GNAL: variants seen among roughly 807,000 people sequenced by gnomAD.
GNAL encodes the protein guanine nucleotide-binding protein G(olf) subunit alpha.
A neutral mutation model predicts 55.1 loss-of-function variants in GNAL; 18 were observed. The ratio of observed to expected loss-of-function variants is 0.33; its 90% CI spans 0.23 to 0.48. The LOEUF (loss-of-function observed/expected upper bound fraction) is 0.48, where lower values mean the gene tolerates loss of function less well. GNAL is among the 20% of genes least tolerant of loss of function. GNAL has a pLI of 0.99. For missense variants in GNAL, 412 were observed against 614.1 expected (o/e 0.67, Z 3.48); for synonymous variants, 253 against 237.0 (o/e 1.07, Z -0.62).
Position 11,752,796 on chromosome 18 carries a change from G to A in GNAL, c.377-57G>A, listed in dbSNP as rs113033494. 3.9e-6 allele frequency: 5 copies of A among 1,283,822 alleles called. No homozygotes were observed. The highest frequency in any genetic ancestry group is 5.7e-6 in the Non-Finnish European group (5 of 879,150). 79.5% of individuals were successfully genotyped at this position (1,283,822 alleles called of 1,614,324 possible). On this transcript the variant is annotated intron_variant, in intron 1 of 11. Coordinates refer to ENST00000334049, the MANE Select transcript of GNAL (RefSeq NM_182978.4). This position sits in a 1 kb window ranked among gnomAD's most constrained non-coding sequence, Gnocchi z 4.5. ...GGATTGCTCAGACCCGGCTAGTGGT[G>A]AGAGATGGCAGCGATATCCGGACAC... is the stretch of plus-strand genomic sequence containing the variant.
chr18:11,826,917 A>G (rs1376313604), intron 5 of GNAL, among the ~76,000 whole-genome samples: 1 of 152,196 alleles, frequency 6.6e-6, no homozygotes, highest in African/African-American at 2.4e-5. Context: ...AATCCAGAGC[A>G]CACGAGGAGT....
At chr18:11,788,560 T>C (rs2034124596) in intron 4 of GNAL, among the ~76,000 whole-genome samples, 1 of 152,138 alleles carries the variant, frequency 6.6e-6, no homozygotes, top group Non-Finnish European at 1.5e-5. Flanking sequence ...TTAAAACTTA[T>C]TAACAGTTAT....
rs1401950913 is a variant in GNAL, at chr18:11,883,442, C to CTGTT, written c.*2308_*2311dup. The CTGTT allele has an allele frequency of 6.6e-6, 1 of 150,582 alleles. No homozygotes were observed. Among genetic ancestry groups the CTGTT allele is most frequent in the African/African-American group, 2.6e-5 (1 of 38,970 alleles). The allele number at this position is 150,582 out of a possible 1,614,324, so 9.3% of individuals were successfully genotyped here. A position where few individuals can be genotyped will look rare whatever the true frequency, so the allele number is the denominator to read the frequency against. On this transcript the variant is annotated 3_prime_UTR_variant, in exon 12 of 12. Coordinates refer to ENST00000334049, the MANE Select transcript of GNAL (RefSeq NM_182978.4). ...GAGTTTAATTCAAACAACAGCCAGA[C>CTGTT]TGTTAAGAAAAAAAACAAAAAGAAT...
chr18:11,851,785 A>G, intron 5 of GNAL: 1 of 1,614,004 alleles, frequency 6.2e-7, no homozygotes, highest in Non-Finnish European at 8.5e-7. Flanking sequence ...GACCAAGTCG[A>G]TGGCTGGTGT....
At chr18:11,771,089 G>C (rs1361491404) in intron 4 of GNAL, among the ~76,000 whole-genome samples, 1 of 151,886 alleles carries the variant, frequency 6.6e-6, no homozygotes, top group Non-Finnish European at 1.5e-5. Flanking sequence ...GTGGTGGCAG[G>C]CCTCTGTAAT....
intron 4 of GNAL, among the ~76,000 whole-genome samples, chr18:11,760,935 T>C (rs991399047): frequency 6.6e-6 from 1 of 152,224 alleles, no homozygotes; most frequent in African/African-American, 2.4e-5. Context: ...CTACTTCCTG[T>C]GGCTGATGTG....
intron 4 of GNAL, among the ~76,000 whole-genome samples, chr18:11,788,080 C>T (rs961153847): frequency 2.6e-5 from 4 of 152,064 alleles, no homozygotes; most frequent in African/African-American, 7.2e-5. Flanking sequence ...AGCCATTAAC[C>T]GTAATCGGGC....
chr18:11,857,528 C>T (rs986084912), intron 5 of GNAL: 10 of 985,080 alleles, frequency 1.0e-5, no homozygotes, highest in South Asian at 4.7e-5. Flanking sequence ...AAGGAGGAAG[C>T]GCAGGAGTCA....
intron 5 of GNAL, chr18:11,852,233 C>G: frequency 7.8e-7 from 1 of 1,283,846 alleles, no homozygotes. Flanking sequence ...GCCCTTCTAC[C>G]TTTGGGTTTA....
Position 11,882,903 on chromosome 18 carries a change from T to C in GNAL, c.*1768T>C, listed in dbSNP as rs1375443466. The C allele has an allele frequency of 6.6e-6, 1 of 152,150 alleles. No individual in the cohort carries two copies. The highest frequency in any genetic ancestry group is 1.5e-5 in the Non-Finnish European group (1 of 68,030). 9.4% of individuals were successfully genotyped at this position (152,150 alleles called of 1,614,324 possible). A position where few individuals can be genotyped will look rare whatever the true frequency, so the allele number is the denominator to read the frequency against. ...ACAATATCTAGAAAGTAAGAACTGG[T>C]GTAGCAATGATGCTTCATATTCTAG... On this transcript the variant is annotated 3_prime_UTR_variant, in exon 12 of 12. Coordinates refer to ENST00000334049, the MANE Select transcript of GNAL (RefSeq NM_182978.4).
intron 5 of GNAL, chr18:11,853,823 C>T (rs942262841): frequency 3.0e-5 from 5 of 166,894 alleles, no homozygotes; most frequent in Admixed American, 2.6e-4. Flanking sequence ...GTCTTAACCC[C>T]TCTTTTATTT....
intron 4 of GNAL, among the ~76,000 whole-genome samples, chr18:11,802,460 C>T (rs931077998): frequency 6.6e-6 from 1 of 152,180 alleles, no homozygotes; most frequent in African/African-American, 2.4e-5. Context: ...TCGAAACACA[C>T]TCATCACCAT....
At position 11,690,180 on chromosome 18, in the gene GNAL, A is replaced by C. The variant is rs78144261; in HGVS notation, c.376+241A>C. 0.029 allele frequency among the ~76,000 whole-genome samples: 4,427 copies of C among 152,194 alleles called. 237 individuals carry two copies. The highest frequency in any genetic ancestry group is 0.1 in the African/African-American group (4,220 of 41,538). ...ACTACGGGCTGATTCTGCCCCTCCC[A>C]GTGCCTTGAGCTTACTGCCGCTCGC... On this transcript the variant is annotated intron_variant, in intron 1 of 11. Coordinates refer to ENST00000334049, the MANE Select transcript of GNAL (RefSeq NM_182978.4).
At chr18:11,838,738 T>C (rs575938728) in intron 5 of GNAL, among the ~76,000 whole-genome samples, 2 of 152,310 alleles carry the variant, frequency 1.3e-5, no homozygotes, top group African/African-American at 4.8e-5. Context: ...ATGAGATCCA[T>C]AGCATTTCAG....
intron 4 of GNAL, among the ~76,000 whole-genome samples, chr18:11,790,285 G>A (rs1893336013): frequency 6.6e-6 from 1 of 152,138 alleles, no homozygotes; most frequent in African/African-American, 2.4e-5. Flanking sequence ...AAATTCTCCA[G>A]GGCGTCTGTC....
At chr18:11,829,988 G>C (rs912969877) in intron 5 of GNAL, among the ~76,000 whole-genome samples, 4 of 152,160 alleles carry the variant, frequency 2.6e-5, no homozygotes, top group African/African-American at 9.7e-5. Context: ...CTGGGCAAGA[G>C]AGCAAGACTC....
intron 4 of GNAL, among the ~76,000 whole-genome samples, chr18:11,772,332 T>A (rs2033660263): frequency 6.6e-6 from 1 of 152,240 alleles, no homozygotes; most frequent in Admixed American, 6.5e-5. Flanking sequence ...ACTTAGTATT[T>A]AAGTCAAATT....
At chr18:11,859,306 C>G (rs957236060) in intron 5 of GNAL, among the ~76,000 whole-genome samples, 13 of 152,164 alleles carry the variant, frequency 8.5e-5, no homozygotes, top group Non-Finnish European at 1.6e-4. Flanking sequence ...AGCCCCAGTT[C>G]AGAGCTCCCG....
At chr18:11,879,329 A>C (rs936201813) in intron 11 of GNAL, among the ~76,000 whole-genome samples, 3 of 151,950 alleles carry the variant, frequency 2.0e-5, no homozygotes, top group Admixed American at 6.6e-5. Context: ...GATGAGGAGG[A>C]GGCCCAGGGA....
Sources: allele counts gnomAD v4.1 joint callset (sites outside exome capture counted in the v4.1 genomes callset), GRCh38; gene constraint gnomAD v4.1.1; non-coding constraint Gnocchi (gnomAD v3.1); transcripts MANE v1.5; gene names NCBI Gene and HGNC (gene_info 2026-07-23, HGNC 2026-07-21).